FADS2: variants seen among roughly 807,000 people sequenced by gnomAD.
FADS2 encodes the protein fatty acid desaturase 2.
Under a neutral mutation model 61.2 loss-of-function variants are expected in FADS2, and 18 were observed. The observed-to-expected ratio is 0.29, with a 90% CI of 0.20 to 0.44. FADS2 has a LOEUF of 0.44. Ranked by LOEUF, FADS2 falls within the 20% of genes least tolerant of loss-of-function variation. The pLI is 1.00. For missense variants in FADS2, 322 were observed against 572.7 expected (o/e 0.56, Z 4.47); for synonymous variants, 203 against 223.9 (o/e 0.91, Z 0.83).
chr11:61,835,363 G>C (rs2067163976), intron 1 of FADS2, among the ~76,000 whole-genome samples: 1 of 151,644 alleles, frequency 6.6e-6, no homozygotes, highest in Non-Finnish European at 1.5e-5. Flanking sequence ...AGATTTCCAG[G>C]AGTGGTTAGC....
chr11:61,865,806 C>T lies in FADS2; in HGVS notation c.*117C>T. The T allele has an allele frequency of 1.2e-6, 1 of 801,508 alleles. No homozygotes were observed. The highest frequency in any genetic ancestry group is 2.1e-6 in the Non-Finnish European group (1 of 485,010). 49.6% of individuals were successfully genotyped at this position (801,508 alleles called of 1,614,324 possible). ...GGCTGGTGTATGCACTGCTCACGGACCCCATGTTGGATCTTTCTCCCTTTC... is the reference window on the plus strand; with the variant it reads ...GGCTGGTGTATGCACTGCTCACGGATCCCATGTTGGATCTTTCTCCCTTTC... On this transcript the variant is annotated 3_prime_UTR_variant, in exon 12 of 12. Transcript: ENST00000278840. The surrounding 1 kb of genome is among the most constrained non-coding windows in gnomAD (Gnocchi z 4.1).
At chr11:61,853,026 A>C (rs1440243760) in intron 5 of FADS2, among the ~76,000 whole-genome samples, 1 of 152,068 alleles carries the variant, frequency 6.6e-6, no homozygotes, top group Non-Finnish European at 1.5e-5. Flanking sequence ...ATGGTGGCAC[A>C]CGCCTGTAGT....
In FADS2 at chr11:61,816,744, C is replaced by G. The variant is rs1364380970; in HGVS notation, c.141+318C>G. ...CCTGAGCCGCGGTCTCGGCGGCCAC[C>G]GGGTCGGGGGCCATAGCTGGCCTGG... On this transcript the variant is annotated intron_variant, in intron 1 of 11. Transcript: ENST00000257261. The surrounding 1 kb of genome is among the most constrained non-coding windows in gnomAD (Gnocchi z 7.0). 3 of 1,551,828 alleles carry G rather than the reference C, an allele frequency of 1.9e-6. No homozygotes were observed. The African/African-American group carries it at 4.1e-5, about 21-fold the overall frequency.
At chr11:61,854,338 C>T (rs1429289833) in intron 5 of FADS2, 1 of 152,294 alleles carries the variant, frequency 6.6e-6, no homozygotes, top group African/African-American at 2.4e-5. Flanking sequence ...CACAACGTCA[C>T]TTAATCCTTG....
intron 5 of FADS2, among the ~76,000 whole-genome samples, chr11:61,851,489 A>G (rs370673448): frequency 6.6e-6 from 1 of 152,226 alleles, no homozygotes; most frequent in East Asian, 1.9e-4. Context: ...TCTCACACTC[A>G]TGGGGAAAGG....
At chr11:61,856,969 G>C in intron 5 of FADS2, 42 bp from the exon 6 acceptor site, 1 of 1,539,210 alleles carries the variant, frequency 6.5e-7, no homozygotes, top group Non-Finnish European at 9.0e-7. Context: ...GAGGCTGGGA[G>C]CTGAGGCTAC....
At chr11:61,824,449 A>G (rs1591161712), upstream of FADS2, among the ~76,000 whole-genome samples, 1 of 3,590 alleles carries the variant, frequency 2.8e-4, no homozygotes, top group Non-Finnish European at 6.3e-4. Context: ...GGAGGGAGGG[A>G]GGGAGGGAGG....
At chr11:61,840,261 T>C in intron 2 of FADS2, 73 bp from the exon 3 acceptor site, 1 of 1,287,236 alleles carries the variant, frequency 7.8e-7, no homozygotes, top group Non-Finnish European at 1.1e-6. Context: ...GCTGTTGAAA[T>C]GGCAGCTCGA....
Position 61,840,692 on chromosome 11 carries a change from C to T in FADS2, c.585C>T (p.His195=), listed in dbSNP as rs771248024. ...TCTACAGAAAACCCAAGTGGAACCA[C>T]CTTGTCCACAAATTCGTCATTGGCC... ...LSVYRKPKWN[H]LVHKFVIGHL... The change falls in exon 4 of 12, where the codon CAC becomes CAT. Residue 195 remains histidine (H), a synonymous_variant. Coordinates refer to ENST00000278840, the MANE Select transcript of FADS2 (RefSeq NM_004265.4). 54 of 1,614,086 alleles carry T rather than the reference C, an allele frequency of 3.3e-5. No individual in the cohort carries two copies. The highest frequency in any genetic ancestry group is 2.5e-4 in the South Asian group (23 of 91,088).
At position 61,865,079 on chromosome 11, in the gene FADS2, A is replaced by G. The variant is rs2135982408; in HGVS notation, c.1158-73A>G. 6.5e-7 allele frequency: 1 copy of G among 1,546,550 alleles called. No individual in the cohort carries two copies. The highest frequency in any genetic ancestry group is 1.8e-5 in the Admixed American group (1 of 56,920). On this transcript the variant is annotated intron_variant, in intron 10 of 11. Coordinates refer to ENST00000278840, the MANE Select transcript of FADS2 (RefSeq NM_004265.4). The surrounding 1 kb of genome is among the most constrained non-coding windows in gnomAD (Gnocchi z 4.1). The stretch of plus-strand genomic sequence containing the variant: ...TGAGGGCCCCAGCCAGCCTCTGCCC[A>G]GGTGGTGGGAGGAAGCGGGAGCAGC...
At chr11:61,853,108 T>C (rs1486463250) in intron 5 of FADS2, among the ~76,000 whole-genome samples, 1 of 152,098 alleles carries the variant, frequency 6.6e-6, no homozygotes, top group African/African-American at 2.4e-5. Context: ...TGAGCTGAGA[T>C]AGCACCACTG....
In FADS2 at chr11:61,857,055, C is replaced by T. The variant is rs552093695; in HGVS notation, c.789C>T (p.His263=). 100 of 1,613,974 alleles carry T rather than the reference C, an allele frequency of 6.2e-5. No homozygotes were observed. Among genetic ancestry groups the T allele is most frequent in the East Asian group, 3.1e-4 (14 of 44,878 alleles). ...AATACCTGCCCTACAATCACCAGCA[C>T]GAATACTTCTTCCTGAGTGAGTGCT... ...KLKYLPYNHQ[H]EYFFLIGPPL... Residue 263 remains histidine, a synonymous_variant, in exon 6 of 12, where the codon CAC becomes CAT. Transcript: ENST00000278840.
chr11:61,816,726 C>G lies in FADS2; in HGVS notation c.141+300C>G. On this transcript the variant is annotated intron_variant, in intron 1 of 11. Transcript: ENST00000257261. This position sits in a 1 kb window ranked among gnomAD's most constrained non-coding sequence, Gnocchi z 7.0. The stretch of plus-strand genomic sequence containing the variant: ...AGTAGCGCGGGGTAGGTCCCTGAGC[C>G]GCGGTCTCGGCGGCCACCGGGTCGG... 1.3e-6 allele frequency: 2 copies of G among 1,563,200 alleles called. No individual in the cohort carries two copies. The highest frequency in any genetic ancestry group is 1.7e-6 in the Non-Finnish European group (2 of 1,154,794).
chr11:61,821,322 C>A lies in FADS2; in HGVS notation c.141+4896C>A, dbSNP rs1450478075. 19 of 672,516 alleles carry A rather than the reference C, an allele frequency of 2.8e-5. No homozygotes were observed. The East Asian group carries it at 4.6e-4, about 16-fold the overall frequency. The allele number at this position is 672,516 out of a possible 1,614,324, so 41.7% of individuals were successfully genotyped here. A position where few individuals can be genotyped will look rare whatever the true frequency, so the allele number is the denominator to read the frequency against. ...ATTACTTGAGCTCAGGAGTTGGAGA[C>A]CAGCCTAGACAACATAGTGAGACCC... On this transcript the variant is annotated intron_variant, in intron 1 of 11. Transcript: ENST00000257261.
At chr11:61,828,286 A>T (rs915387082), upstream of FADS2, 5 of 1,466,624 alleles carry the variant, frequency 3.4e-6, no homozygotes, top group South Asian at 1.4e-5. The surrounding 1 kb of genome is among the most constrained non-coding windows in gnomAD (Gnocchi z 6.4). Flanking sequence ...GCCGAAAGCG[A>T]AGAGGGCCCG....
chr11:61,846,486 G>T (rs1346866544), intron 4 of FADS2: 2 of 149,808 alleles, frequency 1.3e-5, no homozygotes, highest in African/African-American at 2.5e-5. Context: ...TGAGGTTACT[G>T]CAAAGGCCAC....
At chr11:61,862,632 G>C (rs174621) in intron 7 of FADS2, 1 of 306,652 alleles carries the variant, frequency 3.3e-6, no homozygotes, top group Non-Finnish European at 6.2e-6. Context: ...ACCTGGCCCC[G>C]GGTTGGGGGC....
chr11:61,844,924 CAA>C (rs1172843122), intron 4 of FADS2, among the ~76,000 whole-genome samples: 3 of 62,652 alleles, frequency 4.8e-5, no homozygotes, highest in Admixed American at 1.8e-4. Flanking sequence ...GACTCCGTCT[CAA>C]AAAAAAAAAA....
chr11:61,834,159 G>A (rs934491126), intron 1 of FADS2, among the ~76,000 whole-genome samples: 1 of 152,214 alleles, frequency 6.6e-6, no homozygotes, highest in African/African-American at 2.4e-5. Context: ...CCCGAATGGA[G>A]GCAGCCCTGG....
Sources: allele counts gnomAD v4.1 joint callset (sites outside exome capture counted in the v4.1 genomes callset), GRCh38; gene constraint gnomAD v4.1.1; non-coding constraint Gnocchi (gnomAD v3.1); transcripts MANE v1.5; gene names NCBI Gene and HGNC (gene_info 2026-07-23, HGNC 2026-07-21).